The following ITIH3 variants were observed in gnomAD, a reference collection of about 807,000 sequenced individuals.
ITIH3 encodes the protein inter-alpha-trypsin inhibitor heavy chain 3, also known as inter-alpha-trypsin inhibitor heavy chain H3.
A neutral mutation model predicts 96.5 loss-of-function variants in ITIH3; 81 were observed. The observed-to-expected ratio is 0.84, with a 90% CI of 0.70 to 1.01. The LOEUF (loss-of-function observed/expected upper bound fraction) is 1.01, where lower values mean the gene tolerates loss of function less well. ITIH3 is among the 50% of genes least tolerant of loss of function. The pLI is 0.00. For missense variants in ITIH3, 1,057 were observed against 1,139.3 expected, an observed-to-expected ratio of 0.93 and a Z score of 1.04; for synonymous variants, 422 against 445.2, an observed-to-expected ratio of 0.95 and a Z score of 0.66.
rs1559473087 is a variant in ITIH3 at position 52,803,884 on chromosome 3, AC to A, written c.1741del (p.Leu581SerfsTer15). Reference sequence around the variant, plus strand: ...AACGCCCATGGCGAGGAGAAGGAGAACCTCACGGCCCGGGCCCTGGACCTGT... The same window carrying A: ...AACGCCCATGGCGAGGAGAAGGAGAACTCACGGCCCGGGCCCTGGACCTGT... ...RKNAHGEEKE[N>X]LTARALDLSL... is the part of the protein sequence containing the mutation. On this transcript the variant is annotated frameshift_variant, in exon 14 of 22. Coordinates refer to ENST00000449956, the MANE Select transcript of ITIH3 (RefSeq NM_002217.4). LOFTEE classifies it high-confidence loss of function. The A allele has an allele frequency of 6.2e-7, 1 of 1,613,952 alleles. No individual in the cohort carries two copies. The highest frequency in any genetic ancestry group is 2.2e-5 in the East Asian group (1 of 44,872).
At chr3:52,797,300 G>C in intron 5 of ITIH3, 33 bp downstream of exon 5, 1 of 1,575,304 alleles carries the variant, frequency 6.3e-7, no homozygotes, top group Non-Finnish European at 8.6e-7. Context: ...CTGGGGGGAC[G>C]GCAGCGGGGT....
At chr3:52,796,397 AG>A (rs1699581104) in intron 2 of ITIH3, 83 bp from the exon 3 acceptor site, 1 of 1,265,554 alleles carries the variant, frequency 7.9e-7, no homozygotes, top group Non-Finnish European at 1.1e-6. Context: ...AGAGCCTCCA[AG>A]GGTTTGCAAG....
chr3:52,805,544 AGAT>A, intron 15 of ITIH3: 1 of 1,308,284 alleles, frequency 7.6e-7, no homozygotes, highest in Non-Finnish European at 9.7e-7. Flanking sequence ...AAGAGAGAGA[AGAT>A]GACTTAATGG....
chr3:52,803,030 A>AG (rs1019135216), intron 13 of ITIH3, among the ~76,000 whole-genome samples: 2 of 152,152 alleles, frequency 1.3e-5, no homozygotes, highest in South Asian at 2.1e-4. Flanking sequence ...GCCCCGGGGT[A>AG]GGGGGGACTT....
chr3:52,804,047 C>T, intron 14 of ITIH3, 38 bp downstream of exon 14: 1 of 1,592,090 alleles, frequency 6.3e-7, no homozygotes, highest in Non-Finnish European at 8.6e-7. Flanking sequence ...CGGAGGCCTC[C>T]TGTGCTGGGC....
chr3:52,797,016 T>C, intron 4 of ITIH3, 89 bp from the exon 5 acceptor site: 1 of 1,468,286 alleles, frequency 6.8e-7, no homozygotes, highest in Non-Finnish European at 9.2e-7. Context: ...GGGATCTCCC[T>C]CGCCAAAGGG....
At position 52,802,531 on chromosome 3, in the gene ITIH3, CA is replaced by C. The variant is rs746723804; in HGVS notation, c.1569+13del. ...TGAAGGGCCATGGGGTGAGTGGGGA[CA>C]GGGCCTGGAAGTGTGCTGGGGATGG... is the stretch of plus-strand genomic sequence containing the variant. On this transcript the variant is annotated intron_variant, in intron 12 of 21. Coordinates refer to ENST00000449956, the MANE Select transcript of ITIH3 (RefSeq NM_002217.4). 42 of 1,613,570 alleles carry C rather than the reference CA, an allele frequency of 2.6e-5. No individual in the cohort carries two copies. In the South Asian group the frequency reaches 4.6e-4, roughly 18 times the overall value.
intron 1 of ITIH3, 73 bp downstream of exon 1, chr3:52,794,969 T>A: frequency 8.0e-7 from 1 of 1,245,206 alleles, no homozygotes. Context: ...GGGCAAGGCC[T>A]CTGAGTGGAG....
chr3:52,804,843 G>A, intron 15 of ITIH3, 109 bp downstream of exon 15: 1 of 1,253,402 alleles, frequency 8.0e-7, no homozygotes, highest in Non-Finnish European at 1.1e-6. Flanking sequence ...GGCACACTTG[G>A]GACACCTGGG....
intron 3 of ITIH3, 42 bp downstream of exon 3, chr3:52,796,689 G>A: frequency 6.2e-7 from 1 of 1,606,144 alleles, no homozygotes; most frequent in Non-Finnish European, 8.5e-7. Context: ...TCGGGAACAG[G>A]GGGTCTGGCC....
chr3:52,797,421 C>A (rs890467253), intron 5 of ITIH3, among the ~76,000 whole-genome samples, 154 bp downstream of exon 5: 17 of 152,174 alleles, frequency 1.1e-4, no homozygotes, highest in Non-Finnish European at 2.4e-4. Flanking sequence ...ATGGTTCTGG[C>A]CAAAAGCATC....
At chr3:52,803,509 G>T in intron 13 of ITIH3, among the ~76,000 whole-genome samples, 1 of 152,038 alleles carries the variant, frequency 6.6e-6, no homozygotes. Context: ...AGTAGAGATG[G>T]GGTTTCACCA....
At chr3:52,802,934 T>A in intron 13 of ITIH3, 128 bp downstream of exon 13, 1 of 1,110,800 alleles carries the variant, frequency 9.0e-7, no homozygotes, top group Non-Finnish European at 1.3e-6. Flanking sequence ...TGTAGAGCAG[T>A]CTGTAAGGAA....
chr3:52,807,064 C>A lies in ITIH3; in HGVS notation c.2220C>A (p.Ser740Arg). The A allele has an allele frequency of 1.9e-6, 3 of 1,598,852 alleles. No homozygotes were observed. Among genetic ancestry groups the A allele is most frequent in the Non-Finnish European group, 2.6e-6 (3 of 1,172,958 alleles). ...KITLWNRAVP[S>R]TFSWLDTVTV... ...CCCTGTGGAACAGGGCCGTGCCGAGCACTTTCAGCTGGCTGGACACAGTCA... is the reference window on the plus strand; with the variant it reads ...CCCTGTGGAACAGGGCCGTGCCGAGAACTTTCAGCTGGCTGGACACAGTCA... The change falls in exon 19 of 22, where the codon AGC becomes AGA. Residue 740 changes from serine (S) to arginine (R), a missense_variant. Ser to Arg is a moderately radical substitution (Grantham distance 110, BLOSUM62 -1). Transcript: ENST00000449956.
rs920833435 is a variant in ITIH3, at chr3:52,797,913, T to C, written c.646T>C (p.Ser216Pro). ...CCTCCTGGGAAGCGCCCTCACCAAGTCCTTCTCAGGGAAAAAGGTGATGTA... is the reference window on the plus strand; with the variant it reads ...CCTCCTGGGAAGCGCCCTCACCAAGCCCTTCTCAGGGAAAAAGGTGATGTA... ...NDLLGSALTKSFSGKKGHVSF... is the reference protein window; with the variant it reads ...NDLLGSALTKPFSGKKGHVSF... Residue 216 changes from serine (S) to proline (P), a missense_variant, in exon 6 of 22, where the codon TCC becomes CCC. Physicochemically the swap from Ser to Pro is moderately conservative, Grantham distance 74. Transcript: ENST00000449956. 1 of 1,599,556 alleles carries C rather than the reference T, an allele frequency of 6.3e-7. No individual in the cohort carries two copies. Among genetic ancestry groups the C allele is most frequent in the Admixed American group, 1.7e-5 (1 of 58,484 alleles).
At chr3:52,802,052 A>C (rs1305331045) in intron 11 of ITIH3, among the ~76,000 whole-genome samples, 1 of 151,216 alleles carries the variant, frequency 6.6e-6, no homozygotes, top group African/African-American at 2.4e-5. Context: ...GACATTCCTT[A>C]AATACTTTCT....
chr3:52,799,987 A>G, intron 9 of ITIH3, 66 bp downstream of exon 9: 3 of 1,504,318 alleles, frequency 2.0e-6, no homozygotes, highest in Non-Finnish European at 2.7e-6. Context: ...AGCAGCCTGC[A>G]ACCCCCCTCT....
At chr3:52,808,402 C>T (rs142016512) in intron 21 of ITIH3, 150 bp from the exon 22 acceptor site, 14,746 of 1,253,004 alleles carry the variant, frequency 0.012, 610 homozygotes, top group South Asian at 0.11. Context: ...TTGGCTTCCT[C>T]GAAAGAGTAA....
At chr3:52,802,290 G>T (rs373156605) in intron 11 of ITIH3, 44 bp from the exon 12 acceptor site, 83 of 1,602,046 alleles carry the variant, frequency 5.2e-5, no homozygotes, top group Admixed American at 5.1e-5. Flanking sequence ...ATCAGTGGGA[G>T]CCTGACCTGG....
Sources: allele counts gnomAD v4.1 joint callset (sites outside exome capture counted in the v4.1 genomes callset), GRCh38; gene constraint gnomAD v4.1.1; transcripts MANE v1.5; gene names NCBI Gene and HGNC (gene_info 2026-07-23, HGNC 2026-07-21).